Variants in PPARD observed in about 807,000 individuals in gnomAD.
PPARD encodes the protein peroxisome proliferator-activated receptor delta.
In PPARD, 6 loss-of-function variants were observed where a neutral mutation model predicts 39.5. That is an observed-to-expected ratio of 0.15 (90% CI 0.08 to 0.30). PPARD has a LOEUF of 0.30. Ranked by LOEUF, PPARD falls within the 10% of genes least tolerant of loss-of-function variation. PPARD has a pLI of 1.00. For synonymous variants in PPARD, 210 were observed against 231.3 expected (o/e 0.91, Z 0.83); for missense variants, 397 against 596.8 (o/e 0.67, Z 3.49).
chr6:35,370,144 C>T (rs1228059110), intron 2 of PPARD, among the ~76,000 whole-genome samples: 1 of 152,156 alleles, frequency 6.6e-6, no homozygotes, highest in Non-Finnish European at 1.5e-5. Flanking sequence ...TCTGACCTGT[C>T]AACCAGTTAG....
At chr6:35,355,187 T>C (rs572674490) in intron 2 of PPARD, among the ~76,000 whole-genome samples, 1 of 152,210 alleles carries the variant, frequency 6.6e-6, no homozygotes, top group South Asian at 2.1e-4. Flanking sequence ...CACCCCATTT[T>C]TTTTTCATTG....
At chr6:35,345,843 T>C (rs1400375651) in intron 1 of PPARD, among the ~76,000 whole-genome samples, 3 of 151,234 alleles carry the variant, frequency 2.0e-5, no homozygotes, top group African/African-American at 7.3e-5. Context: ...AGCTCCTCTC[T>C]CTCAGGAGTT....
chr6:35,348,896 C>T (rs1761047979), intron 2 of PPARD: 2 of 985,378 alleles, frequency 2.0e-6, no homozygotes, highest in Admixed American at 6.1e-5. Flanking sequence ...AACTGATTTG[C>T]TTTGCCATTT....
Position 35,392,869 on chromosome 6 carries a change from C to G in PPARD, c.-101-18118C>G, listed in dbSNP as rs374501303. 6.6e-5 allele frequency among the ~76,000 whole-genome samples: 10 copies of G among 152,248 alleles called. No homozygotes were observed. The East Asian group carries it at 1.9e-3, about 29-fold the overall frequency. On this transcript the variant is annotated intron_variant, in intron 2 of 7. Transcript: ENST00000360694. ...CCTGAGCACTTGGTAAGTAGAAAGA[C>G]CCAGTGTCTGCTCCTCATGTTACCC...
At position 35,424,299 on chromosome 6, in the gene PPARD, G is replaced by T. The variant is rs1405910217; in HGVS notation, c.628-30G>T. 1 of 1,606,092 alleles carries T rather than the reference G, an allele frequency of 6.2e-7. No homozygotes were observed. The highest frequency in any genetic ancestry group is 1.1e-5 in the South Asian group (1 of 90,480). ...GAGCACAGGGTGGGGGTCTCCCGAG[G>T]CCTGATCTCTAACGGGGCCTGGTTT... On this transcript the variant is annotated intron_variant, in intron 6 of 7. Transcript: ENST00000360694. The surrounding 1 kb of genome is among the most constrained non-coding windows in gnomAD (Gnocchi z 7.1).
At chr6:35,403,478 T>C (rs1432206339) in intron 2 of PPARD, among the ~76,000 whole-genome samples, 1 of 151,726 alleles carries the variant, frequency 6.6e-6, no homozygotes, top group Non-Finnish European at 1.5e-5. Flanking sequence ...GGCAGTAATA[T>C]ATGAAAACTG....
intron 2 of PPARD, among the ~76,000 whole-genome samples, chr6:35,365,841 C>G (rs1762184961): frequency 6.6e-6 from 1 of 151,698 alleles, no homozygotes; most frequent in Non-Finnish European, 1.5e-5. Context: ...GACTTCTAGT[C>G]TTTTTTGGCA....
At chr6:35,408,477 C>T (rs1765205733) in intron 2 of PPARD, among the ~76,000 whole-genome samples, 1 of 152,218 alleles carries the variant, frequency 6.6e-6, no homozygotes, top group Admixed American at 6.5e-5. Context: ...TGAACATTTC[C>T]TGTGCTCTGG....
intron 2 of PPARD, among the ~76,000 whole-genome samples, chr6:35,403,749 C>A (rs1764847289): frequency 6.6e-6 from 1 of 151,664 alleles, no homozygotes. Context: ...TGAGAAGGAA[C>A]AGAATGGAGC....
intron 3 of PPARD, among the ~76,000 whole-genome samples, chr6:35,417,679 G>T (rs1303497048): frequency 6.6e-6 from 1 of 152,068 alleles, no homozygotes; most frequent in African/African-American, 2.4e-5. Flanking sequence ...CTACAGGCAT[G>T]TGCCACCACG....
intron 2 of PPARD, among the ~76,000 whole-genome samples, chr6:35,395,455 A>G (rs139072846): frequency 6.6e-6 from 1 of 152,332 alleles, no homozygotes; most frequent in Non-Finnish European, 1.5e-5. Flanking sequence ...GCAGGGGGAC[A>G]TGTCATTTCA....
At chr6:35,352,344 C>T (rs1011266093) in intron 2 of PPARD, among the ~76,000 whole-genome samples, 14 of 152,084 alleles carry the variant, frequency 9.2e-5, no homozygotes, top group South Asian at 4.2e-4. Flanking sequence ...CCCCAATGCC[C>T]GGCTAATTTT....
In PPARD at chr6:35,363,090, A is replaced by G. The variant is rs1253375411; in HGVS notation, c.-102+15940A>G. On this transcript the variant is annotated intron_variant, in intron 2 of 7. Coordinates refer to ENST00000360694, the MANE Select transcript of PPARD (RefSeq NM_006238.5). This position sits in a 1 kb window ranked among gnomAD's most constrained non-coding sequence, Gnocchi z 4.5. The stretch of plus-strand genomic sequence containing the variant: ...ATTCCGTTCCAGAAACGCATCTCAA[A>G]GCAAGGGAGAAAATTGAAGATGGGG... 6.6e-6 allele frequency among the ~76,000 whole-genome samples: 1 copy of G among 152,234 alleles called. No individual in the cohort carries two copies. The highest frequency in any genetic ancestry group is 1.5e-5 in the Non-Finnish European group (1 of 68,038).
rs185046592 is a variant in PPARD, at chr6:35,377,227, C to T, written c.-102+30077C>T. On this transcript the variant is annotated intron_variant, in intron 2 of 7. Coordinates refer to ENST00000360694, the MANE Select transcript of PPARD (RefSeq NM_006238.5). Reference sequence around the variant, plus strand: ...GCCATTGTGGTGTCAGTTCCACTCACTGTTTATGTTTCAATTCTTCTCGCA... The same window carrying T: ...GCCATTGTGGTGTCAGTTCCACTCATTGTTTATGTTTCAATTCTTCTCGCA... Among the ~76,000 whole-genome samples, 6 of 152,278 alleles carry T rather than the reference C, an allele frequency of 3.9e-5. No individual in the cohort carries two copies. The East Asian group carries it at 1.2e-3, about 29-fold the overall frequency.
chr6:35,392,610 G>A (rs1162057508), intron 2 of PPARD, among the ~76,000 whole-genome samples: 2 of 152,170 alleles, frequency 1.3e-5, no homozygotes, highest in African/African-American at 2.4e-5. Flanking sequence ...ATGGGGGAAA[G>A]GTGTGCCAAG....
chr6:35,396,001 GGAA>G (rs1348580967), intron 2 of PPARD, among the ~76,000 whole-genome samples: 2 of 152,112 alleles, frequency 1.3e-5, no homozygotes, highest in Admixed American at 6.5e-5. Context: ...TAGGCTCCAT[GGAA>G]GAAGAGTTGT....
chr6:35,389,416 A>G (rs1562198761), intron 2 of PPARD, among the ~76,000 whole-genome samples: 1 of 152,064 alleles, frequency 6.6e-6, no homozygotes, highest in Non-Finnish European at 1.5e-5. Context: ...GCTTCAGGCA[A>G]TTCTCCTGCC....
At chr6:35,396,958 A>G (rs1185280083) in intron 2 of PPARD, among the ~76,000 whole-genome samples, 2 of 152,024 alleles carry the variant, frequency 1.3e-5, no homozygotes, top group Non-Finnish European at 2.9e-5. Context: ...TTCTATAATT[A>G]GCATAGTGTA....
chr6:35,406,634 TC>T, intron 2 of PPARD, among the ~76,000 whole-genome samples: 1 of 152,198 alleles, frequency 6.6e-6, no homozygotes, highest in South Asian at 2.1e-4. Flanking sequence ...AAGAGACAAT[TC>T]CAGGCTAGGG....
Sources: gnomAD v4.1 joint callset for allele counts (sites outside exome capture counted in the v4.1 genomes callset) on GRCh38, gnomAD v4.1.1 for gene constraint, Gnocchi (gnomAD v3.1) non-coding constraint, MANE v1.5 for transcripts, NCBI Gene and HGNC (gene_info 2026-07-23, HGNC 2026-07-21) for gene names.